Variants in MUL1 observed in about 807,000 individuals in gnomAD.
MUL1 encodes the protein mitochondrial E3 ubiquitin protein ligase 1.
MUL1 carries 30 observed loss-of-function variants against 34.1 expected under a neutral mutation model. The ratio of observed to expected loss-of-function variants is 0.88; its 90% CI spans 0.66 to 1.19. MUL1 has a LOEUF of 1.19. MUL1 is among the 50% of genes most tolerant of loss of function. The pLI, the probability that MUL1 is intolerant of heterozygous loss-of-function variation, is 0.00. For missense variants in MUL1, 419 were observed against 450.5 expected (o/e 0.93, Z 0.63); for synonymous variants, 191 against 187.8 (o/e 1.02, Z -0.14).
At position 20,500,977 on chromosome 1, in the gene MUL1, T is replaced by C; in HGVS notation, c.772A>G (p.Ile258Val). 2.5e-6 allele frequency: 4 copies of C among 1,614,064 alleles called. No homozygotes were observed. Among genetic ancestry groups the C allele is most frequent in the African/African-American group, 1.3e-5 (1 of 75,054 alleles). The change falls in exon 4 of 4, where the codon ATT becomes GTT. Residue 258 changes from isoleucine to valine, a missense_variant. Transcript: ENST00000264198. The stretch of plus-strand genomic sequence containing the variant: ...CGCTGCAGATACTGCTTCCGGAGAA[T>C]GAAGAAGAGGGTGGCACATGTGGCA... ...GFATCATLFF[I>V]LRKQYLQRQE...
intron 1 of MUL1, among the ~76,000 whole-genome samples, chr1:20,505,959 T>C (rs1425718178): frequency 2.0e-5 from 3 of 152,118 alleles, no homozygotes; most frequent in Non-Finnish European, 2.9e-5. Context: ...TCAGGAGAAA[T>C]ACAGGGCAGC....
In MUL1 at chr1:20,501,951, A is replaced by C. The variant is rs568063178; in HGVS notation, c.329+118T>G. The C allele has an allele frequency of 7.7e-7, 1 of 1,301,094 alleles. No individual in the cohort carries two copies. Among genetic ancestry groups the C allele is most frequent in the East Asian group, 2.3e-5 (1 of 42,950 alleles). The allele number at this position is 1,301,094 out of a possible 1,614,324, so 80.6% of individuals were successfully genotyped here. ...ACACACAAGAATATGACCTGCATTA[A>C]GAGACTGGGCTTCAACCTGTCTCAG... is the stretch of plus-strand genomic sequence containing the variant. On this transcript the variant is annotated intron_variant, in intron 3 of 3. Transcript: ENST00000264198. This position sits in a 1 kb window ranked among gnomAD's most constrained non-coding sequence, Gnocchi z 4.2.
Position 20,500,636 on chromosome 1 carries a change from C to A in MUL1, c.*54G>T, listed in dbSNP as rs1014632436. 3 of 1,513,880 alleles carry A rather than the reference C, an allele frequency of 2.0e-6. No homozygotes were observed. The highest frequency in any genetic ancestry group is 2.6e-6 in the Non-Finnish European group (3 of 1,132,852). 93.8% of individuals were successfully genotyped at this position (1,513,880 alleles called of 1,614,324 possible). On this transcript the variant is annotated 3_prime_UTR_variant, in exon 4 of 4. Transcript: ENST00000264198. ...CCTCCAAAGGCCTCGAGATAAAAAT[C>A]CCTGAAAAGGGGGCAGGGGTGCTTC... is the stretch of plus-strand genomic sequence containing the variant.
At chr1:20,503,076 G>A in intron 2 of MUL1, 146 bp downstream of exon 2, 2 of 526,460 alleles carry the variant, frequency 3.8e-6, no homozygotes, top group South Asian at 6.0e-5. Context: ...CGATCACAAA[G>A]CAATAACCCA....
chr1:20,501,125 G>A lies in MUL1; in HGVS notation c.624C>T (p.Val208=), dbSNP rs41265063. The change falls in exon 4 of 4, where the codon GTC becomes GTT. Residue 208 remains valine (V), a synonymous_variant. Coordinates refer to ENST00000264198, the MANE Select transcript of MUL1 (RefSeq NM_024544.3). The surrounding 1 kb of genome is among the most constrained non-coding windows in gnomAD (Gnocchi z 4.2). ...VGELVLDNNS[V]RLQPPKQGMQ... is the part of the protein sequence containing the mutation. ...TGCCTTGTTTGGGCGGCTGCAGGCG[G>A]ACAGAGTTGTTGTCCAGGACCAGTT... 8 of 1,614,016 alleles carry A rather than the reference G, an allele frequency of 5.0e-6. No homozygotes were observed. Among genetic ancestry groups the A allele is most frequent in the Non-Finnish European group, 1.7e-6 (2 of 1,180,026 alleles).
chr1:20,501,183 A>C lies in MUL1; in HGVS notation c.566T>G (p.Leu189Arg). The change falls in exon 4 of 4, where the codon CTG (leucine) becomes CGG (arginine). Residue 189 changes from leucine (L) to arginine (R), a missense_variant. Leu to Arg is a moderately radical substitution (Grantham distance 102). Coordinates refer to ENST00000264198, the MANE Select transcript of MUL1 (RefSeq NM_024544.3). The surrounding 1 kb of genome is among the most constrained non-coding windows in gnomAD (Gnocchi z 4.2). ...CCCTGTGAGGGTGGCCCCCACCTTCAGCATCTCCTCGGTCTCTTGGATGCC... is the reference window on the plus strand; with the variant it reads ...CCCTGTGAGGGTGGCCCCCACCTTCCGCATCTCCTCGGTCTCTTGGATGCC... ...PKGIQETEEM[L>R]KVGATLTGVG... The C allele has an allele frequency of 5.0e-6, 8 of 1,614,028 alleles. No homozygotes were observed. Among genetic ancestry groups the C allele is most frequent in the Non-Finnish European group, 6.8e-6 (8 of 1,179,892 alleles).
Position 20,500,846 on chromosome 1 carries a change from G to C in MUL1, c.903C>G (p.Ala301=), listed in dbSNP as rs1339976360. 2 of 1,614,112 alleles carry C rather than the reference G, an allele frequency of 1.2e-6. No individual in the cohort carries two copies. Among genetic ancestry groups the C allele is most frequent in the African/African-American group, 2.7e-5 (2 of 74,952 alleles). Residue 301 remains alanine (A), a synonymous_variant, in exon 4 of 4, where the codon GCC becomes GCG. Coordinates refer to ENST00000264198, the MANE Select transcript of MUL1 (RefSeq NM_024544.3). ...TGAAGCTGCTCAGACACACTACACA[G>C]GCGCTCTTCAGACTCTCCCTGTCCT... ...KPEDRESLKS[A]CVVCLSSFKS... is the part of the protein sequence containing the mutation.
chr1:20,503,806 A>G (rs771666061), intron 1 of MUL1, among the ~76,000 whole-genome samples: 3 of 152,186 alleles, frequency 2.0e-5, no homozygotes, highest in Non-Finnish European at 4.4e-5. Flanking sequence ...TTATTAAAAA[A>G]ACAAAGCAGG....
In MUL1 at chr1:20,507,783, T is replaced by C. The variant is rs1024374234; in HGVS notation, c.120+122A>G. ...TCCATCTACTGGCTGGATGACACCC[T>C]TCAGAGGCTGTTTCCTTTTTTGGAC... On this transcript the variant is annotated intron_variant, in intron 1 of 3. Coordinates refer to ENST00000264198, the MANE Select transcript of MUL1 (RefSeq NM_024544.3). The C allele has an allele frequency of 5.0e-6, 7 of 1,407,170 alleles. No individual in the cohort carries two copies. In the African/African-American group the frequency reaches 1.0e-4, roughly 20 times the overall value. The allele number at this position is 1,407,170 out of a possible 1,614,324, so 87.2% of individuals were successfully genotyped here. A position where few individuals can be genotyped will look rare whatever the true frequency, so the allele number is the denominator to read the frequency against.
In MUL1 at chr1:20,501,407, T is replaced by C. The variant is rs1227467489; in HGVS notation, c.342A>G (p.Ser114=). ...TGTTGGTCCTCTGATGAATGATCTT[T>C]GAGCAATCATTCCTAGAAGAATAAG... ...NRTTHLWNDC[S]KIIHQRTNTV... is the part of the protein sequence containing the mutation. Residue 114 remains serine, a synonymous_variant, in exon 4 of 4, where the codon TCA becomes TCG. Transcript: ENST00000264198. This position sits in a 1 kb window ranked among gnomAD's most constrained non-coding sequence, Gnocchi z 4.2. The C allele has an allele frequency of 6.2e-7, 1 of 1,612,214 alleles. No homozygotes were observed. Among genetic ancestry groups the C allele is most frequent in the South Asian group, 1.1e-5 (1 of 91,062 alleles).
At position 20,501,415 on chromosome 1, in the gene MUL1, C is replaced by T; in HGVS notation, c.334G>A (p.Asp112Asn). ...CTCTGATGAATGATCTTTGAGCAATCATTCCTAGAAGAATAAGAGAACTAA... is the reference window on the plus strand; with the variant it reads ...CTCTGATGAATGATCTTTGAGCAATTATTCCTAGAAGAATAAGAGAACTAA... ...VWNRTTHLWN[D>N]CSKIIHQRTN... The change falls in exon 4 of 4, where the codon GAT becomes AAT. Residue 112 changes from aspartate (D) to asparagine (N), a missense_variant. Physicochemically the swap from Asp to Asn is conservative, Grantham distance 23 (BLOSUM62 1). Coordinates refer to ENST00000264198, the MANE Select transcript of MUL1 (RefSeq NM_024544.3). This position sits in a 1 kb window ranked among gnomAD's most constrained non-coding sequence, Gnocchi z 4.2. 1 of 1,611,316 alleles carries T rather than the reference C, an allele frequency of 6.2e-7. No homozygotes were observed. Among genetic ancestry groups the T allele is most frequent in the Non-Finnish European group, 8.5e-7 (1 of 1,178,232 alleles).
chr1:20,504,624 A>G (rs1570335211), intron 1 of MUL1, among the ~76,000 whole-genome samples: 1 of 152,214 alleles, frequency 6.6e-6, no homozygotes, highest in East Asian at 1.9e-4. Context: ...AGCAATAACA[A>G]CTAACAATTT....
rs1217086806 is a variant in MUL1, at chr1:20,502,053, G to A, written c.329+16C>T. The A allele has an allele frequency of 2.5e-6, 4 of 1,612,754 alleles. No individual in the cohort carries two copies. The highest frequency in any genetic ancestry group is 2.0e-4 in the Middle Eastern group (1 of 5,120). On this transcript the variant is annotated intron_variant, in intron 3 of 3. Coordinates refer to ENST00000264198, the MANE Select transcript of MUL1 (RefSeq NM_024544.3). The stretch of plus-strand genomic sequence containing the variant: ...CCAACTGCAAGGGTTTTGGCCAGTG[G>A]AGAAGTGATACATACCAAAGGTGGG...
chr1:20,500,994 C>T lies in MUL1; in HGVS notation c.755G>A (p.Cys252Tyr), dbSNP rs1379684525. The change falls in exon 4 of 4, where the codon TGT becomes TAT. Residue 252 changes from cysteine to tyrosine, a missense_variant. Cys to Tyr is a radical substitution (Grantham distance 194). Coordinates refer to ENST00000264198, the MANE Select transcript of MUL1 (RefSeq NM_024544.3). ...CCGGAGAATGAAGAAGAGGGTGGCA[C>T]ATGTGGCAAAGCCAAAAACCAGCGC... The part of the protein sequence containing the change: ...VLALVFGFAT[C>Y]ATLFFILRKQ... 6.2e-7 allele frequency: 1 copy of T among 1,614,088 alleles called. No homozygotes were observed. Among genetic ancestry groups the T allele is most frequent in the Admixed American group, 1.7e-5 (1 of 60,036 alleles).
At chr1:20,507,130 C>G (rs1281804012) in intron 1 of MUL1, among the ~76,000 whole-genome samples, 1 of 152,014 alleles carries the variant, frequency 6.6e-6, no homozygotes, top group East Asian at 1.9e-4. Context: ...GCAGGAGAAT[C>G]ACTTGAACCC....
At chr1:20,507,674 G>T (rs2101120605) in intron 1 of MUL1, among the ~76,000 whole-genome samples, 1 of 152,364 alleles carries the variant, frequency 6.6e-6, no homozygotes, top group African/African-American at 2.4e-5. Flanking sequence ...ATGAAGTCAA[G>T]ATTCATTCTG....
chr1:20,503,899 T>C (rs1194333666), intron 1 of MUL1, among the ~76,000 whole-genome samples: 4 of 143,760 alleles, frequency 2.8e-5, no homozygotes, highest in Non-Finnish European at 6.1e-5. Flanking sequence ...TGAGATGGGG[T>C]CTCACTGTTA....
At chr1:20,506,874 A>G (rs550179523) in intron 1 of MUL1, among the ~76,000 whole-genome samples, 1 of 106,634 alleles carries the variant, frequency 9.4e-6, no homozygotes, top group East Asian at 2.9e-4. Context: ...AAAGAAAAAG[A>G]AAAGAAAAGG....
chr1:20,504,648 C>T (rs962286962), intron 1 of MUL1, among the ~76,000 whole-genome samples: 3 of 152,354 alleles, frequency 2.0e-5, no homozygotes, highest in Admixed American at 6.5e-5. Context: ...CATTATCTGT[C>T]TCCCTCCACT....
Sources: allele counts gnomAD v4.1 joint callset (sites outside exome capture counted in the v4.1 genomes callset), GRCh38; gene constraint gnomAD v4.1.1; non-coding constraint Gnocchi (gnomAD v3.1); transcripts MANE v1.5; gene names NCBI Gene and HGNC (gene_info 2026-07-23, HGNC 2026-07-21).